Variants in ANTXR2 observed in about 807,000 individuals in gnomAD.
The protein encoded by ANTXR2 is anthrax toxin receptor 2.
ANTXR2 carries 44 observed loss-of-function variants against 73.7 expected under a neutral mutation model. That is an observed-to-expected ratio of 0.60 (90% CI 0.47 to 0.77). ANTXR2 has a LOEUF of 0.77. Among genes scored for constraint, ANTXR2 ranks in the 30% least tolerant of loss-of-function variants. The pLI is 0.00. For synonymous variants in ANTXR2, 217 were observed against 205.9 expected (o/e 1.05, Z -0.46); for missense variants, 604 against 592.5 (o/e 1.02, Z -0.20).
chr4:80,043,784 G>A (rs1733391399), intron 7 of ANTXR2, among the ~76,000 whole-genome samples: 1 of 151,944 alleles, frequency 6.6e-6, no homozygotes, highest in African/African-American at 2.4e-5. Flanking sequence ...GATTATAGAT[G>A]TTTGGCAGGA....
intron 2 of ANTXR2, 133 bp downstream of exon 2, chr4:80,071,450 G>A: frequency 2.7e-6 from 2 of 731,352 alleles, no homozygotes; most frequent in Non-Finnish European, 4.8e-6. Context: ...AACAGCATGT[G>A]TGCAATACGA....
At chr4:79,946,691 T>C (rs904245912) in intron 16 of ANTXR2, among the ~76,000 whole-genome samples, 1 of 152,164 alleles carries the variant, frequency 6.6e-6, no homozygotes, top group Non-Finnish European at 1.5e-5. Flanking sequence ...TACAGTTATA[T>C]TGTATCAATT....
intron 16 of ANTXR2, among the ~76,000 whole-genome samples, chr4:79,931,035 T>C (rs934292604): frequency 1.1e-4 from 16 of 152,200 alleles, no homozygotes; most frequent in Non-Finnish European, 1.8e-4. Context: ...CTAAATAGAA[T>C]TGTAATATTA....
At chr4:79,959,065 CA>C (rs900686285) in intron 16 of ANTXR2, among the ~76,000 whole-genome samples, 13 of 149,556 alleles carry the variant, frequency 8.7e-5, no homozygotes, top group Middle Eastern at 3.3e-3. Flanking sequence ...CAACTGCAAG[CA>C]AAAAAAAATT....
At position 79,976,505 on chromosome 4, in the gene ANTXR2, C is replaced by T. The variant is rs146877300; in HGVS notation, c.1428+1116G>A. ...ACCACCACTTTCCATGACAATGACC[C>T]GATGACCCGGAAGTTGTCACACCTT... On this transcript the variant is annotated intron_variant, in intron 16 of 16. Coordinates refer to ENST00000403729, the MANE Select transcript of ANTXR2 (RefSeq NM_058172.6). Among the ~76,000 whole-genome samples, 820 of 151,036 alleles carry T rather than the reference C, an allele frequency of 5.4e-3. 13 individuals carry two copies. The highest frequency in any genetic ancestry group is 0.019 in the African/African-American group (774 of 40,384).
chr4:79,930,174 A>T (rs564753105), intron 16 of ANTXR2, among the ~76,000 whole-genome samples: 1 of 152,314 alleles, frequency 6.6e-6, no homozygotes, highest in South Asian at 2.1e-4. Flanking sequence ...AGATAATAAA[A>T]TATTATCAAA....
chr4:80,069,363 A>G, intron 3 of ANTXR2, 73 bp downstream of exon 3: 2 of 1,239,100 alleles, frequency 1.6e-6, no homozygotes, highest in Non-Finnish European at 2.3e-6. Context: ...CTGAATCACC[A>G]CTTGGAAATA....
chr4:80,014,470 G>A (rs1731744807), intron 11 of ANTXR2, among the ~76,000 whole-genome samples: 1 of 152,004 alleles, frequency 6.6e-6, no homozygotes, highest in Non-Finnish European at 1.5e-5. Flanking sequence ...GGAAGCTGAG[G>A]CATGAGAATT....
intron 12 of ANTXR2, among the ~76,000 whole-genome samples, chr4:80,000,314 A>G (rs1315773647): frequency 1.3e-5 from 2 of 152,122 alleles, no homozygotes; most frequent in African/African-American, 4.8e-5. Flanking sequence ...GAGTGATTGT[A>G]TCATAAATTT....
intron 16 of ANTXR2, among the ~76,000 whole-genome samples, chr4:79,943,746 AT>A (rs1193495085): frequency 1.3e-5 from 2 of 151,980 alleles, no homozygotes; most frequent in African/African-American, 2.4e-5. Flanking sequence ...AAAAAAAAAA[AT>A]AAATAAAAAA....
At chr4:80,031,064 T>G (rs1021613344) in intron 10 of ANTXR2, among the ~76,000 whole-genome samples, 1 of 151,950 alleles carries the variant, frequency 6.6e-6, no homozygotes, top group Admixed American at 6.6e-5. Context: ...GATATCGTGG[T>G]TTTTTGGCCA....
intron 12 of ANTXR2, among the ~76,000 whole-genome samples, chr4:80,005,106 G>A (rs1203602102): frequency 1.3e-5 from 2 of 152,080 alleles, no homozygotes; most frequent in Non-Finnish European, 2.9e-5. Flanking sequence ...TATAAAACAT[G>A]AAATGACTGA....
chr4:80,002,455 C>T lies in ANTXR2; in HGVS notation c.1041+6066G>A, dbSNP rs868821907. ...AACGTTAGACCTAAAACCATAAAAA[C>T]CCTAGAAGAAAACCTAGGCATTACC... On this transcript the variant is annotated intron_variant, in intron 12 of 16. Coordinates refer to ENST00000403729, the MANE Select transcript of ANTXR2 (RefSeq NM_058172.6). 8.0e-4 allele frequency among the ~76,000 whole-genome samples: 122 copies of T among 152,176 alleles called. 1 individual carries two copies. The Middle Eastern group carries it at 0.014, about 17-fold the overall frequency.
At chr4:80,004,595 A>G (rs1691207615) in intron 12 of ANTXR2, among the ~76,000 whole-genome samples, 1 of 152,052 alleles carries the variant, frequency 6.6e-6, no homozygotes, top group South Asian at 2.1e-4. Context: ...ATCTATGGTT[A>G]CACTGCCTTC....
chr4:79,975,231 C>A (rs1729578498), intron 16 of ANTXR2, among the ~76,000 whole-genome samples: 1 of 152,190 alleles, frequency 6.6e-6, no homozygotes, highest in Non-Finnish European at 1.5e-5. Context: ...TTTCCCTAAT[C>A]TCTCCTGAGG....
intron 3 of ANTXR2, among the ~76,000 whole-genome samples, chr4:80,062,246 T>C (rs1734296023): frequency 1.3e-5 from 2 of 152,188 alleles, no homozygotes; most frequent in South Asian, 2.1e-4. Flanking sequence ...CTGAATTTTG[T>C]CAAAAATATT....
At chr4:79,936,816 T>A (rs1728282116) in intron 16 of ANTXR2, among the ~76,000 whole-genome samples, 1 of 152,146 alleles carries the variant, frequency 6.6e-6, no homozygotes, top group Non-Finnish European at 1.5e-5. Flanking sequence ...GTGCTTATAA[T>A]CATTCCCACC....
chr4:79,974,572 G>A (rs1033834324), intron 16 of ANTXR2, among the ~76,000 whole-genome samples: 3 of 151,890 alleles, frequency 2.0e-5, no homozygotes, highest in African/African-American at 7.2e-5. Context: ...GAAGCAACAA[G>A]TTTTACAATT....
At chr4:80,070,006 T>C (rs947577809) in intron 2 of ANTXR2, among the ~76,000 whole-genome samples, 1 of 152,206 alleles carries the variant, frequency 6.6e-6, no homozygotes, top group Non-Finnish European at 1.5e-5. Context: ...AAACAATAAA[T>C]CACTTTCTGC....
Sources: allele counts gnomAD v4.1 joint callset (sites outside exome capture counted in the v4.1 genomes callset), GRCh38; gene constraint gnomAD v4.1.1; transcripts MANE v1.5; gene names NCBI Gene and HGNC (gene_info 2026-07-23, HGNC 2026-07-21).